GRM8: variants seen among roughly 807,000 people sequenced by gnomAD.
GRM8 encodes glutamate metabotropic receptor 8, also known as metabotropic glutamate receptor 8.
In GRM8, 47 loss-of-function variants were observed where a neutral mutation model predicts 87.2. The observed-to-expected ratio is 0.54, with a 90% CI of 0.43 to 0.69. The LOEUF (loss-of-function observed/expected upper bound fraction) is 0.69. GRM8 is among the 30% of genes least tolerant of loss of function. The pLI, the probability that GRM8 is intolerant of heterozygous loss-of-function variation, is 0.00. For missense variants in GRM8, 1,019 were observed against 1,139.2 expected, an observed-to-expected ratio of 0.89 and a Z score of 1.52; for synonymous variants, 396 against 404.5, an observed-to-expected ratio of 0.98 and a Z score of 0.25.
intron 3 of GRM8, among the ~76,000 whole-genome samples, chr7:126,972,041 C>T (rs572091984): frequency 2.0e-5 from 3 of 152,204 alleles, no homozygotes; most frequent in South Asian, 2.1e-4. Flanking sequence ...TCACTGTAGC[C>T]GAATAACAGG....
intron 2 of GRM8, among the ~76,000 whole-genome samples, chr7:127,199,255 C>T (rs1307770144): frequency 1.4e-4 from 21 of 152,214 alleles, no homozygotes; most frequent in Non-Finnish European, 3.1e-4. Context: ...GCCACTGGCA[C>T]CTTTCCTAGA....
intron 8 of GRM8, among the ~76,000 whole-genome samples, chr7:126,573,890 A>G (rs1476324672): frequency 6.6e-6 from 1 of 152,144 alleles, no homozygotes; most frequent in African/African-American, 2.4e-5. Context: ...CCCATCCTCA[A>G]ATTCCAACCT....
intron 7 of GRM8, among the ~76,000 whole-genome samples, chr7:126,695,697 AT>A (rs1809311438): frequency 6.6e-6 from 1 of 152,168 alleles, no homozygotes; most frequent in Non-Finnish European, 1.5e-5. Context: ...CTTGCTAAGG[AT>A]TTTGGACTTT....
chr7:127,228,575 G>A (rs1379135164), intron 2 of GRM8: 1 of 152,142 alleles, frequency 6.6e-6, no homozygotes, highest in Non-Finnish European at 1.5e-5. Flanking sequence ...GTTTGGATGA[G>A]AGGCTATAGA....
At chr7:126,614,980 C>T (rs1295226884) in intron 7 of GRM8, among the ~76,000 whole-genome samples, 2 of 152,134 alleles carry the variant, frequency 1.3e-5, no homozygotes, top group African/African-American at 2.4e-5. Context: ...ACTTCCCCAA[C>T]CTAGCAAGGC....
chr7:127,048,349 G>A (rs1819144941), intron 3 of GRM8, among the ~76,000 whole-genome samples: 2 of 152,220 alleles, frequency 1.3e-5, no homozygotes, highest in Admixed American at 1.3e-4. Flanking sequence ...AATAGGAGGT[G>A]AGATCAGAGA....
chr7:126,905,659 G>A (rs918810756), intron 3 of GRM8, among the ~76,000 whole-genome samples: 6 of 152,024 alleles, frequency 3.9e-5, no homozygotes, highest in African/African-American at 1.2e-4. Flanking sequence ...TATATTCTAC[G>A]CACTGGGCTC....
intron 8 of GRM8, among the ~76,000 whole-genome samples, chr7:126,552,279 T>C (rs1296218951): frequency 6.6e-6 from 1 of 152,144 alleles, no homozygotes; most frequent in East Asian, 1.9e-4. Flanking sequence ...TTTTAACTAT[T>C]CTTTAAGTCA....
chr7:127,159,118 C>T (rs1792929033), intron 2 of GRM8, among the ~76,000 whole-genome samples: 1 of 152,192 alleles, frequency 6.6e-6, no homozygotes. Context: ...GTGGACCAGG[C>T]TGTGGAAAAC....
At chr7:127,163,995 A>T (rs1793286804) in intron 2 of GRM8, among the ~76,000 whole-genome samples, 1 of 152,092 alleles carries the variant, frequency 6.6e-6, no homozygotes, top group Non-Finnish European at 1.5e-5. Flanking sequence ...TGTAATCCCC[A>T]ATGTTGGAAG....
At chr7:126,803,938 TATC>T (rs879479227) in intron 6 of GRM8, among the ~76,000 whole-genome samples, 5 of 152,250 alleles carry the variant, frequency 3.3e-5, no homozygotes, top group Admixed American at 2.0e-4. Flanking sequence ...CTAATACTAT[TATC>T]ATGACTTAAT....
chr7:127,044,461 T>C (rs1818738937), intron 3 of GRM8, among the ~76,000 whole-genome samples: 1 of 152,274 alleles, frequency 6.6e-6, no homozygotes, highest in Non-Finnish European at 1.5e-5. Context: ...TCTGGCACAA[T>C]TTAGATATTA....
In GRM8 at chr7:126,760,952, T is replaced by G. The variant is rs1817526372; in HGVS notation, c.1357+8913A>C. Among the ~76,000 whole-genome samples the G allele has an allele frequency of 1.3e-5, 2 of 152,150 alleles. 1 individual carries two copies. Among genetic ancestry groups the G allele is most frequent in the Admixed American group, 1.3e-4 (2 of 15,268 alleles). On this transcript the variant is annotated intron_variant, in intron 7 of 10. Coordinates refer to ENST00000339582, the MANE Select transcript of GRM8 (RefSeq NM_000845.3). ...TGATTCACGCCTGCAATCCTAGCACTTTGGTAGGCCAAGGTGGGCAGATTG... is the reference window on the plus strand; with the variant it reads ...TGATTCACGCCTGCAATCCTAGCACGTTGGTAGGCCAAGGTGGGCAGATTG...
chr7:126,578,610 G>C (rs527739142), intron 8 of GRM8, among the ~76,000 whole-genome samples: 1 of 152,270 alleles, frequency 6.6e-6, no homozygotes, highest in East Asian at 1.9e-4. Flanking sequence ...GGGAGCAGCA[G>C]CAGATGGCTG....
chr7:126,984,056 A>T (rs1049013176), intron 3 of GRM8, among the ~76,000 whole-genome samples: 1 of 152,172 alleles, frequency 6.6e-6, no homozygotes, highest in African/African-American at 2.4e-5. Context: ...TTTTTCCTTT[A>T]TCATGTGACA....
chr7:126,491,013 A>G (rs1368752720), intron 9 of GRM8, among the ~76,000 whole-genome samples: 2 of 152,084 alleles, frequency 1.3e-5, no homozygotes, highest in African/African-American at 4.8e-5. Flanking sequence ...AATTTTGTCA[A>G]TAATAGCCAA....
chr7:127,025,271 T>TCTTTTC (rs1563425099), intron 3 of GRM8, among the ~76,000 whole-genome samples: 1 of 152,082 alleles, frequency 6.6e-6, no homozygotes, highest in African/African-American at 2.4e-5. Context: ...CCCCTCTTTT[T>TCTTTTC]ACACACTTCT....
At chr7:127,156,126 G>A (rs904797749) in intron 2 of GRM8, among the ~76,000 whole-genome samples, 4 of 152,158 alleles carry the variant, frequency 2.6e-5, no homozygotes, top group South Asian at 2.1e-4. Context: ...GTAAGCAAGC[G>A]TGGAAGAAAA....
chr7:126,480,892 T>G (rs1318081569), intron 9 of GRM8, among the ~76,000 whole-genome samples: 1 of 152,014 alleles, frequency 6.6e-6, no homozygotes, highest in Non-Finnish European at 1.5e-5. Context: ...CCAGCATCCT[T>G]GTAGAAGACA....
Sources: allele counts gnomAD v4.1 joint callset (sites outside exome capture counted in the v4.1 genomes callset), GRCh38; gene constraint gnomAD v4.1.1; transcripts MANE v1.5; gene names NCBI Gene and HGNC (gene_info 2026-07-23, HGNC 2026-07-21).